Variants in STAU1 observed in about 807,000 individuals in gnomAD.
STAU1 encodes the protein double-stranded RNA-binding protein Staufen homolog 1.
In STAU1, 13 loss-of-function variants were observed where a neutral mutation model predicts 62.9. The ratio of observed to expected loss-of-function variants is 0.21; its 90% CI spans 0.13 to 0.33. The LOEUF (loss-of-function observed/expected upper bound fraction) is 0.33, where lower values mean the gene tolerates loss of function less well. Ranked by LOEUF, STAU1 falls within the 10% of genes least tolerant of loss-of-function variation. STAU1 has a pLI of 1.00. For synonymous variants in STAU1, 269 were observed against 265.1 expected (o/e 1.01, Z -0.14); for missense variants, 571 against 712.1 (o/e 0.80, Z 2.25).
rs550029683 is a variant in STAU1 at position 49,158,976 on chromosome 20, T to TC, written c.206-4906dup. On this transcript the variant is annotated intron_variant, in intron 3 of 13. Coordinates refer to ENST00000371856, the MANE Select transcript of STAU1 (RefSeq NM_017453.4). ...TTCACACATCAGGACATCAGGGGTCTCCTTTATTATATGTTCTGCAGTCCA... is the reference window on the plus strand; with the variant it reads ...TTCACACATCAGGACATCAGGGGTCTCCCTTTATTATATGTTCTGCAGTCCA... 771 of 1,301,534 alleles carry TC rather than the reference T, an allele frequency of 5.9e-4. 3 individuals carry two copies. The highest frequency in any genetic ancestry group is 7.1e-4 in the Non-Finnish European group (700 of 987,484). The allele number at this position is 1,301,534 out of a possible 1,614,324, so 80.6% of individuals were successfully genotyped here. A position where few individuals can be genotyped will look rare whatever the true frequency, so the allele number is the denominator to read the frequency against.
intron 10 of STAU1, 111 bp from the exon 11 acceptor site, chr20:49,118,207 G>A (rs983203082): frequency 1.1e-5 from 15 of 1,367,880 alleles, no homozygotes; most frequent in African/African-American, 1.4e-5. Flanking sequence ...GGCAGCGCAG[G>A]GAATCAGGGA....
upstream of STAU1, among the ~76,000 whole-genome samples, chr20:49,192,020 C>T (rs1307676750): frequency 6.6e-6 from 1 of 151,666 alleles, no homozygotes; most frequent in Non-Finnish European, 1.5e-5. Flanking sequence ...CACTGTATTC[C>T]AGCCTAGGCA....
chr20:49,204,612 A>G, the STAU1 span, among the ~76,000 whole-genome samples: 28 of 60,132 alleles, frequency 4.7e-4, 1 homozygote, highest in Admixed American at 6.5e-4. Flanking sequence ...ATATATATAT[A>G]TATATATATA....
At chr20:49,192,716 G>A (rs750252298), upstream of STAU1, among the ~76,000 whole-genome samples, 33 of 152,102 alleles carry the variant, frequency 2.2e-4, no homozygotes, top group Non-Finnish European at 3.7e-4. Context: ...TGGGAGAATC[G>A]CGTGAGCCCA....
chr20:49,141,461 T>G (rs1373796736), intron 5 of STAU1, among the ~76,000 whole-genome samples: 1 of 152,118 alleles, frequency 6.6e-6, no homozygotes, highest in Non-Finnish European at 1.5e-5. Flanking sequence ...TGCAGTGGAG[T>G]GTGCCTATAG....
At chr20:49,159,550 T>C (rs1375623572) in intron 3 of STAU1, among the ~76,000 whole-genome samples, 1 of 152,046 alleles carries the variant, frequency 6.6e-6, no homozygotes, top group Non-Finnish European at 1.5e-5. Context: ...ATGACTGACT[T>C]CTATTTTTAT....
intron 2 of STAU1, among the ~76,000 whole-genome samples, chr20:49,170,482 C>CG (rs1409563308): frequency 6.6e-6 from 1 of 152,012 alleles, no homozygotes; most frequent in Non-Finnish European, 1.5e-5. Flanking sequence ...TCCCGAGTAG[C>CG]GGGAACTACA....
At chr20:49,205,676 C>CTT in the STAU1 span, among the ~76,000 whole-genome samples, 2 of 116,614 alleles carry the variant, frequency 1.7e-5, no homozygotes. Context: ...AGTTAGCTTT[C>CTT]TTTTTTTTTT....
upstream of STAU1, among the ~76,000 whole-genome samples, chr20:49,189,605 G>C (rs566409501): frequency 6.7e-5 from 9 of 134,286 alleles, no homozygotes; most frequent in South Asian, 2.3e-3. Flanking sequence ...GGGCAACAGA[G>C]TGAGACTCTG....
At chr20:49,212,065 T>G in the STAU1 span, among the ~76,000 whole-genome samples, 1 of 152,080 alleles carries the variant, frequency 6.6e-6, no homozygotes, top group Non-Finnish European at 1.5e-5. Context: ...CATGGCTCAG[T>G]GCAGCTTCAA....
chr20:49,171,699 C>G (rs1040540976), intron 2 of STAU1, among the ~76,000 whole-genome samples: 1 of 152,108 alleles, frequency 6.6e-6, no homozygotes, highest in African/African-American at 2.4e-5. Context: ...TCCCAGCCCC[C>G]CAAAATAGTA....
the STAU1 span, among the ~76,000 whole-genome samples, chr20:49,212,467 A>C: frequency 6.6e-6 from 1 of 152,140 alleles, no homozygotes; most frequent in Non-Finnish European, 1.5e-5. Flanking sequence ...TAACATACTC[A>C]TCACCACACA....
At chr20:49,197,514 C>T in the STAU1 span, among the ~76,000 whole-genome samples, 2 of 151,510 alleles carry the variant, frequency 1.3e-5, no homozygotes, top group African/African-American at 4.8e-5. Context: ...GCTTCTCCTG[C>T]CTCAGCCTCC....
At chr20:49,122,906 G>T (rs2092498705) in intron 8 of STAU1, among the ~76,000 whole-genome samples, 186 bp downstream of exon 8, 2 of 144,814 alleles carry the variant, frequency 1.4e-5, no homozygotes, top group African/African-American at 5.2e-5. Context: ...GACAGAGTGA[G>T]ACTCCATCTC....
At chr20:49,164,262 A>C (rs2146369664) in intron 3 of STAU1, among the ~76,000 whole-genome samples, 1 of 152,104 alleles carries the variant, frequency 6.6e-6, no homozygotes, top group Admixed American at 6.6e-5. Context: ...CAAAACACTG[A>C]AATTACAGGT....
At chr20:49,164,771 G>A (rs1022064267) in intron 3 of STAU1, among the ~76,000 whole-genome samples, 8 of 151,924 alleles carry the variant, frequency 5.3e-5, no homozygotes, top group South Asian at 2.1e-4. Context: ...TGAAACAAAC[G>A]AGAGATAAGA....
At chr20:49,129,635 T>TG (rs1281205579) in intron 6 of STAU1, among the ~76,000 whole-genome samples, 5 of 143,340 alleles carry the variant, frequency 3.5e-5, no homozygotes, top group African/African-American at 1.3e-4. Flanking sequence ...GGCAACTTTT[T>TG]TTTTTTTTTT....
At chr20:49,166,623 A>G (rs189224495) in intron 2 of STAU1, among the ~76,000 whole-genome samples, 3 of 152,206 alleles carry the variant, frequency 2.0e-5, no homozygotes, top group Non-Finnish European at 2.9e-5. Flanking sequence ...AAGTATGGAG[A>G]GGTTTCCATA....
chr20:49,218,807 C>T, the STAU1 span, among the ~76,000 whole-genome samples: 12 of 151,602 alleles, frequency 7.9e-5, no homozygotes, highest in African/African-American at 2.9e-4. Context: ...TTTGGGAGGC[C>T]GAGGCAGGAG....
Sources: allele counts gnomAD v4.1 joint callset (sites outside exome capture counted in the v4.1 genomes callset), GRCh38; gene constraint gnomAD v4.1.1; transcripts MANE v1.5; gene names NCBI Gene and HGNC (gene_info 2026-07-23, HGNC 2026-07-21).